Variants in SPAG16 observed in about 807,000 individuals in gnomAD.
SPAG16 encodes sperm-associated antigen 16 protein.
Under a neutral mutation model 80.4 loss-of-function variants are expected in SPAG16, and 86 were observed. That is an observed-to-expected ratio of 1.07 (90% CI 0.90 to 1.28). The LOEUF (loss-of-function observed/expected upper bound fraction) is 1.28. Among genes scored for constraint, SPAG16 ranks in the 50% most tolerant of loss-of-function variants. The pLI is 0.00. For missense variants in SPAG16, 870 were observed against 765.3 expected (o/e 1.14, Z -1.61); for synonymous variants, 294 against 265.9 (o/e 1.11, Z -1.03).
chr2:214,250,676 TATATC>T (rs1690192390), intron 15 of SPAG16, among the ~76,000 whole-genome samples: 1 of 105,570 alleles, frequency 9.5e-6, no homozygotes, highest in African/African-American at 3.6e-5. Flanking sequence ...ATTTATATAT[TATATC>T]TATATATAAA....
intron 10 of SPAG16, among the ~76,000 whole-genome samples, chr2:213,628,539 G>A (rs893144969): frequency 1.3e-5 from 2 of 152,224 alleles, no homozygotes; most frequent in Non-Finnish European, 2.9e-5. Flanking sequence ...AAATTATTAA[G>A]TGACTAATGT....
In SPAG16 at chr2:214,151,541, A is replaced by G. The variant is rs140385355; in HGVS notation, c.1720+2275A>G. ...TCTCAAAATACACATTCATTTGAAT[A>G]TACCTTTATTTATTCCCAGTGGCAA... On this transcript the variant is annotated intron_variant, in intron 15 of 15. Transcript: ENST00000331683. Among the ~76,000 whole-genome samples the G allele has an allele frequency of 4.3e-3, 658 of 152,300 alleles. 3 individuals carry two copies. Among genetic ancestry groups the G allele is most frequent in the African/African-American group, 0.015 (611 of 41,586 alleles).
chr2:214,399,818 G>A (rs554972737), intron 15 of SPAG16, among the ~76,000 whole-genome samples: 17 of 152,036 alleles, frequency 1.1e-4, no homozygotes, highest in East Asian at 7.7e-4. Context: ...ATGGCTTATC[G>A]AATCCTCAGA....
chr2:214,201,587 A>G (rs192569619), intron 15 of SPAG16, among the ~76,000 whole-genome samples: 1 of 152,276 alleles, frequency 6.6e-6, no homozygotes, highest in East Asian at 1.9e-4. Context: ...AAATGCATCA[A>G]TTTTCATACA....
At chr2:214,343,784 TGA>T (rs1378247233) in intron 15 of SPAG16, among the ~76,000 whole-genome samples, 1 of 152,160 alleles carries the variant, frequency 6.6e-6, no homozygotes, top group Non-Finnish European at 1.5e-5. Flanking sequence ...AATAACTAAA[TGA>T]CTCCCAATGC....
At chr2:213,422,414 G>T in intron 9 of SPAG16, 1 of 636,416 alleles carries the variant, frequency 1.6e-6, no homozygotes, top group Admixed American at 2.3e-5. Context: ...TGTGCACAGT[G>T]GCTGGACCTG....
intron 13 of SPAG16, among the ~76,000 whole-genome samples, chr2:214,071,162 A>C (rs1036611108): frequency 7.2e-5 from 11 of 152,154 alleles, no homozygotes; most frequent in African/African-American, 2.7e-4. Context: ...ATAACTCACA[A>C]TTCCACATCC....
intron 14 of SPAG16, among the ~76,000 whole-genome samples, chr2:214,116,605 C>T (rs1187902537): frequency 6.6e-6 from 1 of 152,114 alleles, no homozygotes; most frequent in African/African-American, 2.4e-5. Flanking sequence ...GACACAGTTC[C>T]ACTGCGCAGA....
intron 15 of SPAG16, among the ~76,000 whole-genome samples, chr2:214,177,262 T>G (rs1036283582): frequency 1.3e-5 from 2 of 151,200 alleles, no homozygotes; most frequent in Non-Finnish European, 3.0e-5. Flanking sequence ...TTTCCTTAAC[T>G]TCTTTTTCTT....
At chr2:213,929,855 TA>T (rs2078670135) in intron 11 of SPAG16, 104 bp from the exon 12 acceptor site, 2 of 965,860 alleles carry the variant, frequency 2.1e-6, no homozygotes, top group South Asian at 3.7e-5. Flanking sequence ...CAAGTAAAAA[TA>T]AATCAGATAC....
In SPAG16 at chr2:214,153,753, G is replaced by C. The variant is rs189222265; in HGVS notation, c.1720+4487G>C. On this transcript the variant is annotated intron_variant, in intron 15 of 15. Transcript: ENST00000331683. Reference sequence around the variant, plus strand: ...TGTAATATTAAAAATTGCTTAATCAGTAAAGTTATATGTAATGCGATATAT... The same window carrying C: ...TGTAATATTAAAAATTGCTTAATCACTAAAGTTATATGTAATGCGATATAT... Among the ~76,000 whole-genome samples the C allele has an allele frequency of 9.9e-4, 150 of 152,128 alleles. 2 individuals carry two copies. The highest frequency in any genetic ancestry group is 8.8e-5 in the Non-Finnish European group (6 of 68,002).
intron 9 of SPAG16, among the ~76,000 whole-genome samples, chr2:213,431,051 T>C (rs2070263608): frequency 6.6e-6 from 1 of 152,184 alleles, no homozygotes. Context: ...CCAGCTCTAC[T>C]AGAAATGCTC....
chr2:213,627,131 T>A (rs1305611334), intron 10 of SPAG16, among the ~76,000 whole-genome samples: 1 of 152,174 alleles, frequency 6.6e-6, no homozygotes, highest in African/African-American at 2.4e-5. Flanking sequence ...ACACAGGAAC[T>A]CATAATTTAA....
rs368890767 is a variant in SPAG16, at chr2:214,395,142, C to A, written c.1721-14998C>A. 1.6e-4 allele frequency among the ~76,000 whole-genome samples: 24 copies of A among 152,260 alleles called. 1 individual carries two copies. In the South Asian group the frequency reaches 5.0e-3, roughly 32 times the overall value. On this transcript the variant is annotated intron_variant, in intron 15 of 15. Coordinates refer to ENST00000331683, the MANE Select transcript of SPAG16 (RefSeq NM_024532.5). ...CATCTTGGTTGCTTTCAACTTTTGG[C>A]AATTATGAATGAAGCTTCTATAAAC...
intron 10 of SPAG16, among the ~76,000 whole-genome samples, chr2:213,767,391 G>A (rs1032494584): frequency 6.6e-6 from 1 of 152,016 alleles, no homozygotes; most frequent in Non-Finnish European, 1.5e-5. Context: ...ATTAAGGCTG[G>A]GTGCAGTGGC....
chr2:213,760,020 G>A (rs1251722868), intron 10 of SPAG16, among the ~76,000 whole-genome samples: 1 of 151,578 alleles, frequency 6.6e-6, no homozygotes, highest in Non-Finnish European at 1.5e-5. Flanking sequence ...GGGTGACAAA[G>A]CAAGACTCTG....
chr2:213,673,600 A>C (rs1374789320), intron 10 of SPAG16, among the ~76,000 whole-genome samples: 1 of 152,234 alleles, frequency 6.6e-6, no homozygotes, highest in Non-Finnish European at 1.5e-5. Flanking sequence ...ACACAATCTA[A>C]TATATGCATA....
At chr2:213,352,769 T>A (rs2065404294) in intron 7 of SPAG16, among the ~76,000 whole-genome samples, 1 of 152,236 alleles carries the variant, frequency 6.6e-6, no homozygotes, top group South Asian at 2.1e-4. Context: ...TTTTGCACAC[T>A]ACTGTTCAGA....
At chr2:213,780,816 C>T (rs899626473) in intron 10 of SPAG16, among the ~76,000 whole-genome samples, 1 of 151,958 alleles carries the variant, frequency 6.6e-6, no homozygotes, top group African/African-American at 2.4e-5. Flanking sequence ...AAATACTTGG[C>T]TATCTATAAT....
Sources: allele counts gnomAD v4.1 joint callset (sites outside exome capture counted in the v4.1 genomes callset), GRCh38; gene constraint gnomAD v4.1.1; transcripts MANE v1.5; gene names NCBI Gene and HGNC (gene_info 2026-07-23, HGNC 2026-07-21).